MAF: variants seen among roughly 807,000 people sequenced by gnomAD.
MAF encodes MAF bZIP transcription factor, also known as transcription factor Maf.
MAF carries 10 observed loss-of-function variants against 22.0 expected under a neutral mutation model. The observed-to-expected ratio is 0.45, with a 90% confidence interval of 0.28 to 0.77. MAF has a LOEUF of 0.77. Among genes scored for constraint, MAF ranks in the 30% least tolerant of loss-of-function variants. The pLI is 0.12. For synonymous variants in MAF, 337 were observed against 255.8 expected, an observed-to-expected ratio of 1.32 and a Z score of -3.03; for missense variants, 544 against 548.4, an observed-to-expected ratio of 0.99 and a Z score of 0.08.
chr16:79,231,473 G>C, the MAF span, among the ~76,000 whole-genome samples: 1 of 152,050 alleles, frequency 6.6e-6, no homozygotes, highest in Non-Finnish European at 1.5e-5. Context: ...AGAAAACAGT[G>C]GTCTCGGCAC....
At chr16:79,563,568 G>C in the MAF span, among the ~76,000 whole-genome samples, 3 of 150,708 alleles carry the variant, frequency 2.0e-5, no homozygotes, top group Admixed American at 1.3e-4. Flanking sequence ...AGTATGCATT[G>C]ATATCATAAT....
the MAF span, among the ~76,000 whole-genome samples, chr16:79,413,184 C>T: frequency 7.0e-6 from 1 of 142,026 alleles, no homozygotes; most frequent in East Asian, 2.0e-4. Context: ...GCTCCAATTC[C>T]AGCTCTGCTA....
the MAF span, among the ~76,000 whole-genome samples, chr16:79,546,702 T>G: frequency 6.6e-6 from 1 of 152,176 alleles, no homozygotes; most frequent in African/African-American, 2.4e-5. Context: ...GAGCTTGCTT[T>G]CTTTTTCTGA....
the MAF span, among the ~76,000 whole-genome samples, chr16:79,398,244 G>C: frequency 6.6e-6 from 1 of 152,134 alleles, no homozygotes. Context: ...GGACCTTTGT[G>C]ATTACGCTAG....
the MAF span, chr16:79,203,701 C>T: frequency 3.9e-5 from 6 of 152,252 alleles, no homozygotes; most frequent in South Asian, 6.2e-4. Flanking sequence ...TAGAGCCATT[C>T]TGTGCAGAAG....
chr16:79,420,538 C>T, the MAF span, among the ~76,000 whole-genome samples: 2 of 151,956 alleles, frequency 1.3e-5, no homozygotes, highest in Non-Finnish European at 2.9e-5. Flanking sequence ...ATCACTGCTG[C>T]CCCCCTCCCC....
the MAF span, among the ~76,000 whole-genome samples, chr16:79,362,957 T>A: frequency 1.7e-3 from 264 of 152,344 alleles, 2 homozygotes; most frequent in African/African-American, 6.0e-3. Flanking sequence ...TATGATTAAC[T>A]ATCCAACTAG....
the MAF span, among the ~76,000 whole-genome samples, chr16:79,377,256 G>A: frequency 6.6e-6 from 1 of 152,152 alleles, no homozygotes; most frequent in Admixed American, 6.5e-5. Flanking sequence ...GTTTTGATTT[G>A]CGTTTCTCTG....
the MAF span, among the ~76,000 whole-genome samples, chr16:79,569,670 C>T: frequency 2.8e-4 from 42 of 152,316 alleles, no homozygotes; most frequent in Admixed American, 1.8e-3. Flanking sequence ...CTTAGCTACA[C>T]AGTACAGTCA....
At chr16:79,539,519 A>G in the MAF span, among the ~76,000 whole-genome samples, 2 of 152,212 alleles carry the variant, frequency 1.3e-5, no homozygotes, top group Non-Finnish European at 2.9e-5. Flanking sequence ...AAAACAAAAC[A>G]AAAGAGAAAG....
chr16:79,448,901 G>C, the MAF span, among the ~76,000 whole-genome samples: 1 of 152,218 alleles, frequency 6.6e-6, no homozygotes, highest in African/African-American at 2.4e-5. Flanking sequence ...GGATGGTTTG[G>C]GGATGCTTCA....
chr16:79,508,981 T>C, the MAF span, among the ~76,000 whole-genome samples: 2 of 152,170 alleles, frequency 1.3e-5, no homozygotes, highest in African/African-American at 4.8e-5. Flanking sequence ...GGCCAACAAA[T>C]TGTATACTTT....
chr16:79,491,923 T>G, the MAF span, among the ~76,000 whole-genome samples: 1 of 152,118 alleles, frequency 6.6e-6, no homozygotes, highest in Non-Finnish European at 1.5e-5. Context: ...CAGGCCTTCA[T>G]AAACAACAGG....
the MAF span, among the ~76,000 whole-genome samples, chr16:79,404,259 G>A: frequency 6.6e-6 from 1 of 150,454 alleles, no homozygotes; most frequent in Non-Finnish European, 1.5e-5. Flanking sequence ...CGCCTCCCGG[G>A]TTCAAGCAAT....
the MAF span, among the ~76,000 whole-genome samples, chr16:79,232,023 A>G: frequency 6.6e-6 from 1 of 151,908 alleles, no homozygotes; most frequent in African/African-American, 2.4e-5. Flanking sequence ...CTCTTATGAC[A>G]ATCTAATGCC....
chr16:79,333,752 C>A, the MAF span, among the ~76,000 whole-genome samples: 2 of 152,168 alleles, frequency 1.3e-5, no homozygotes. Flanking sequence ...AACACCTCAC[C>A]TGGATCTGGT....
the MAF span, among the ~76,000 whole-genome samples, chr16:79,441,527 T>C: frequency 6.6e-6 from 1 of 152,240 alleles, no homozygotes; most frequent in Non-Finnish European, 1.5e-5. Flanking sequence ...AAAATTTTAC[T>C]TATGGATTCC....
the MAF span, among the ~76,000 whole-genome samples, chr16:79,458,756 G>A: frequency 6.6e-6 from 1 of 152,188 alleles, no homozygotes; most frequent in Admixed American, 6.5e-5. Context: ...GTATCATGAA[G>A]TACGTAATGT....
chr16:79,325,670 T>C, the MAF span, among the ~76,000 whole-genome samples: 2 of 151,722 alleles, frequency 1.3e-5, no homozygotes, highest in African/African-American at 2.4e-5. Flanking sequence ...GGTTAAAAAC[T>C]AGAAGAACAA....
Sources: gnomAD v4.1 joint callset for allele counts (sites outside exome capture counted in the v4.1 genomes callset) on GRCh38, gnomAD v4.1.1 for gene constraint, MANE v1.5 for transcripts, NCBI Gene and HGNC (gene_info 2026-07-23, HGNC 2026-07-21) for gene names.